Variants in PRKG1 observed in about 807,000 individuals in gnomAD.
The protein encoded by PRKG1 is cGMP-dependent protein kinase 1.
A neutral mutation model predicts 88.1 loss-of-function variants in PRKG1; 35 were observed. The ratio of observed to expected loss-of-function variants is 0.40; its 90% CI spans 0.30 to 0.53. The LOEUF is 0.53. Among genes scored for constraint, PRKG1 ranks in the 20% least tolerant of loss-of-function variants. The probability of loss-of-function intolerance (pLI) is 0.59; values close to 1 mark genes in which losing one functional copy is unlikely to be tolerated. For missense variants in PRKG1, 540 were observed against 839.8 expected (o/e 0.64, Z 4.41); for synonymous variants, 303 against 292.5 (o/e 1.04, Z -0.37).
At chr10:51,977,553 A>G (rs1372012605) in intron 5 of PRKG1, among the ~76,000 whole-genome samples, 1 of 151,936 alleles carries the variant, frequency 6.6e-6, no homozygotes, top group Admixed American at 6.6e-5. Context: ...ACACTGTTTT[A>G]TACAATAGTT....
intron 14 of PRKG1, 98 bp downstream of exon 14, chr10:52,282,414 T>C (rs1842021469): frequency 1.9e-5 from 23 of 1,183,360 alleles, no homozygotes; most frequent in Non-Finnish European, 2.4e-5. Context: ...TAAAGTACTT[T>C]TCACCATATC....
At chr10:51,873,441 A>AT (rs1372649390) in intron 4 of PRKG1, among the ~76,000 whole-genome samples, 1 of 151,882 alleles carries the variant, frequency 6.6e-6, no homozygotes, top group African/African-American at 2.4e-5. Flanking sequence ...ATTGAAGTTA[A>AT]TTTTTTATTT....
intron 3 of PRKG1, among the ~76,000 whole-genome samples, chr10:51,510,740 T>C (rs1415024628): frequency 1.4e-5 from 2 of 144,798 alleles, no homozygotes; most frequent in African/African-American, 5.0e-5. Context: ...CCCTGCATTG[T>C]ACTATTTTTT....
At chr10:52,269,871 G>A (rs1197548193) in intron 10 of PRKG1, among the ~76,000 whole-genome samples, 1 of 151,814 alleles carries the variant, frequency 6.6e-6, no homozygotes, top group Non-Finnish European at 1.5e-5. Flanking sequence ...AGTAAGGCAT[G>A]TGGAAGATCC....
chr10:51,102,112 G>A (rs1844701251), intron 1 of PRKG1, among the ~76,000 whole-genome samples: 1 of 152,176 alleles, frequency 6.6e-6, no homozygotes, highest in African/African-American at 2.4e-5. Flanking sequence ...AGAGATGTGA[G>A]TAGCACACCT....
At chr10:51,707,726 C>T (rs1841645706) in intron 3 of PRKG1, among the ~76,000 whole-genome samples, 1 of 152,070 alleles carries the variant, frequency 6.6e-6, no homozygotes, top group South Asian at 2.1e-4. Context: ...TATATTTGTA[C>T]CAAGTTACAG....
intron 5 of PRKG1, chr10:51,908,175 T>C (rs1021331384): frequency 6.6e-6 from 1 of 152,196 alleles, no homozygotes; most frequent in African/African-American, 2.4e-5. Context: ...TCTAAAGTTG[T>C]TCTCCTAAAG....
At chr10:51,615,238 C>T (rs1480308385) in intron 3 of PRKG1, among the ~76,000 whole-genome samples, 1 of 152,046 alleles carries the variant, frequency 6.6e-6, no homozygotes, top group African/African-American at 2.4e-5. Flanking sequence ...ATGCTTTACT[C>T]TTGCATCTAG....
chr10:51,418,076 T>C (rs1838294873), intron 2 of PRKG1, among the ~76,000 whole-genome samples: 1 of 152,214 alleles, frequency 6.6e-6, no homozygotes, highest in African/African-American at 2.4e-5. Flanking sequence ...TCTTCTATGC[T>C]TTCCTTATGC....
At chr10:51,129,524 G>C (rs1845513303) in intron 1 of PRKG1, among the ~76,000 whole-genome samples, 2 of 151,484 alleles carry the variant, frequency 1.3e-5, no homozygotes, top group African/African-American at 2.4e-5. Context: ...GCCTGCAAAA[G>C]CCTTGAAGTC....
intron 2 of PRKG1, among the ~76,000 whole-genome samples, chr10:51,400,823 T>G (rs1002249256): frequency 6.6e-6 from 1 of 152,190 alleles, no homozygotes; most frequent in African/African-American, 2.4e-5. Flanking sequence ...AGCCCCTTTC[T>G]TCAATGACTT....
intron 1 of PRKG1, among the ~76,000 whole-genome samples, chr10:51,069,229 C>T (rs1441488081): frequency 1.3e-5 from 2 of 151,966 alleles, no homozygotes; most frequent in East Asian, 3.8e-4. Context: ...GTAAGTTTTT[C>T]ATCATTAATG....
intron 9 of PRKG1, among the ~76,000 whole-genome samples, chr10:52,220,951 T>G (rs559138463): frequency 1.0e-3 from 156 of 151,704 alleles, no homozygotes; most frequent in African/African-American, 3.3e-3. Context: ...ATATTTCTGT[T>G]TTTAGGTGTT....
intron 14 of PRKG1, among the ~76,000 whole-genome samples, chr10:52,284,258 A>G (rs756941327): frequency 5.9e-5 from 9 of 152,078 alleles, no homozygotes; most frequent in Non-Finnish European, 1.2e-4. Flanking sequence ...GCAGAGCAGC[A>G]ATAAAAATAA....
intron 3 of PRKG1, among the ~76,000 whole-genome samples, chr10:51,777,835 C>T (rs1838480542): frequency 6.6e-6 from 1 of 152,104 alleles, no homozygotes; most frequent in Non-Finnish European, 1.5e-5. Context: ...TCCAGAATGT[C>T]GTATACTGTA....
At chr10:51,753,911 C>A (rs1837790990) in intron 3 of PRKG1, among the ~76,000 whole-genome samples, 1 of 151,924 alleles carries the variant, frequency 6.6e-6, no homozygotes, top group Non-Finnish European at 1.5e-5. Context: ...TTTTTTAATA[C>A]CTGAATTTTG....
chr10:51,432,463 G>T (rs1222204225), intron 2 of PRKG1, among the ~76,000 whole-genome samples: 1 of 152,138 alleles, frequency 6.6e-6, no homozygotes, highest in Non-Finnish European at 1.5e-5. Flanking sequence ...TGAAAGCTTA[G>T]GGAGTTAAAG....
intron 5 of PRKG1, among the ~76,000 whole-genome samples, chr10:51,928,825 A>C (rs1842630172): frequency 1.3e-5 from 2 of 152,172 alleles, no homozygotes; most frequent in Admixed American, 1.3e-4. Flanking sequence ...AAAATAGTAC[A>C]TCTGTTACTG....
chr10:51,953,266 G>A (rs991618420), intron 5 of PRKG1, among the ~76,000 whole-genome samples: 12 of 152,022 alleles, frequency 7.9e-5, no homozygotes, highest in African/African-American at 1.2e-4. Flanking sequence ...GTTCACCTTC[G>A]CCCCCCAAAA....
Sources: allele counts gnomAD v4.1 joint callset (sites outside exome capture counted in the v4.1 genomes callset), GRCh38; gene constraint gnomAD v4.1.1; transcripts MANE v1.5; gene names NCBI Gene and HGNC (gene_info 2026-07-23, HGNC 2026-07-21).